BIN1: variants seen among roughly 807,000 people sequenced by gnomAD.
The protein encoded by BIN1 is myc box-dependent-interacting protein 1.
Under a neutral mutation model 82.0 loss-of-function variants are expected in BIN1, and 53 were observed. The observed-to-expected ratio is 0.65, with a 90% CI of 0.52 to 0.81. The LOEUF (loss-of-function observed/expected upper bound fraction) is 0.81. Among genes scored for constraint, BIN1 ranks in the 40% least tolerant of loss-of-function variants. The probability of loss-of-function intolerance (pLI) is 0.00; values close to 1 mark genes in which losing one functional copy is unlikely to be tolerated. For synonymous variants in BIN1, 302 were observed against 328.0 expected, an observed-to-expected ratio of 0.92 and a Z score of 0.86; for missense variants, 642 against 784.4, an observed-to-expected ratio of 0.82 and a Z score of 2.17.
chr2:127,074,128 G>A (rs1461609079), intron 2 of BIN1, among the ~76,000 whole-genome samples: 4 of 152,056 alleles, frequency 2.6e-5, no homozygotes, highest in Non-Finnish European at 4.4e-5. Context: ...CACTAGGCTT[G>A]GGGCTCACAG....
At chr2:127,072,207 C>G (rs1685977281) in intron 2 of BIN1, among the ~76,000 whole-genome samples, 1 of 152,220 alleles carries the variant, frequency 6.6e-6, no homozygotes, top group Admixed American at 6.5e-5. Flanking sequence ...AGGTGAAGGC[C>G]AGCAGGGACC....
At position 127,090,169 on chromosome 2, in the gene BIN1, G is replaced by C. The variant is rs1678734293; in HGVS notation, c.85-13463C>G. On this transcript the variant is annotated intron_variant, in intron 1 of 18. Transcript: ENST00000316724. This position sits in a 1 kb window ranked among gnomAD's most constrained non-coding sequence, Gnocchi z 6.4. ...TTGCCTGCAGCTCTGCAAGGACCCTGCAAGCCACCCCATTACGCTGGGCCC... is the reference window on the plus strand; with the variant it reads ...TTGCCTGCAGCTCTGCAAGGACCCTCCAAGCCACCCCATTACGCTGGGCCC... Among the ~76,000 whole-genome samples the C allele has an allele frequency of 6.6e-6, 1 of 152,116 alleles. No homozygotes were observed. The highest frequency in any genetic ancestry group is 6.5e-5 in the Admixed American group (1 of 15,276).
At chr2:127,060,456 C>T in intron 10 of BIN1, 1 of 1,310,008 alleles carries the variant, frequency 7.6e-7, no homozygotes, top group Non-Finnish European at 1.1e-6. Flanking sequence ...CCAACACGCA[C>T]ACGACAGCCC....
In BIN1 at chr2:127,070,619, A is replaced by C; in HGVS notation, c.249T>G (p.Asn83Lys). ...GCTCATACACCTCCTGCAGACACTC[A>C]TTCAGCTTCTTGGAAGCCTCGTGCA... ...KAMHEASKKL[N>K]ECLQEVYEPD... is the part of the protein sequence containing the mutation. The change falls in exon 4 of 19, where the codon AAT becomes AAG. Residue 83 changes from asparagine (N) to lysine (K), a missense_variant. Coordinates refer to ENST00000316724, the MANE Select transcript of BIN1 (RefSeq NM_139343.3). 6.2e-7 allele frequency: 1 copy of C among 1,614,032 alleles called. No homozygotes were observed. Among genetic ancestry groups the C allele is most frequent in the Non-Finnish European group, 8.5e-7 (1 of 1,180,004 alleles).
chr2:127,061,241 G>A (rs976549019), intron 10 of BIN1, among the ~76,000 whole-genome samples: 7 of 44,366 alleles, frequency 1.6e-4, no homozygotes, highest in Admixed American at 9.0e-4. Flanking sequence ...CAACGCCACC[G>A]TCCTAACCTC....
At chr2:127,088,961 C>T (rs148605462) in intron 1 of BIN1, among the ~76,000 whole-genome samples, 46 of 152,190 alleles carry the variant, frequency 3.0e-4, no homozygotes, top group African/African-American at 9.4e-4. Flanking sequence ...ACAGCAAGAC[C>T]GGCGTGGCTG....
At chr2:127,094,386 G>A (rs1222255265) in intron 1 of BIN1, among the ~76,000 whole-genome samples, 1 of 152,202 alleles carries the variant, frequency 6.6e-6, no homozygotes, top group Non-Finnish European at 1.5e-5. Flanking sequence ...ACACAGGCAC[G>A]ATGGGTCTAG....
At chr2:127,070,304 G>A (rs1685712373) in intron 4 of BIN1, among the ~76,000 whole-genome samples, 1 of 152,206 alleles carries the variant, frequency 6.6e-6, no homozygotes, top group East Asian at 1.9e-4. Flanking sequence ...GGTCAGCCAG[G>A]GAGGCTTTGT....
At chr2:127,080,607 G>A (rs1234684351) in intron 1 of BIN1, among the ~76,000 whole-genome samples, 2 of 152,216 alleles carry the variant, frequency 1.3e-5, no homozygotes, top group African/African-American at 4.8e-5. Flanking sequence ...ACACACAGAG[G>A]CCCAGGCGGC....
intron 1 of BIN1, among the ~76,000 whole-genome samples, chr2:127,094,699 C>T (rs1679369628): frequency 6.6e-6 from 1 of 152,246 alleles, no homozygotes; most frequent in Non-Finnish European, 1.5e-5. Flanking sequence ...AAGCCGGACG[C>T]TGGCATCAGG....
rs1162037816 is a variant in BIN1 at position 127,052,252 on chromosome 2, T to C, written c.1371+3A>G. 5 of 1,568,446 alleles carry C rather than the reference T, an allele frequency of 3.2e-6. No individual in the cohort carries two copies. Among genetic ancestry groups the C allele is most frequent in the East Asian group, 2.4e-5 (1 of 42,460 alleles). On this transcript the variant is annotated splice_donor_region_variant and intron_variant, in intron 15 of 18. Transcript: ENST00000316724. ...CAGACAGGGGCTGGAGGTGGGCACT[T>C]ACTTGGGCAGGCCCCGGCTCGGCCG...
At chr2:127,088,845 G>C (rs938815351) in intron 1 of BIN1, among the ~76,000 whole-genome samples, 1 of 152,140 alleles carries the variant, frequency 6.6e-6, no homozygotes, top group African/African-American at 2.4e-5. Context: ...GAGACCTGAT[G>C]AAGGAGCAAG....
At chr2:127,079,544 T>C (rs1343515222) in intron 1 of BIN1, among the ~76,000 whole-genome samples, 1 of 152,228 alleles carries the variant, frequency 6.6e-6, no homozygotes, top group Non-Finnish European at 1.5e-5. Context: ...CAAACTCCTA[T>C]GCATCCTTCA....
At chr2:127,056,632 AG>A in intron 12 of BIN1, 1 of 152,410 alleles carries the variant, frequency 6.6e-6, no homozygotes, top group East Asian at 1.9e-4. Context: ...CTGTGTGGGA[AG>A]GGTCCTGGCC....
chr2:127,106,880 G>T lies in BIN1; in HGVS notation c.64C>A (p.Leu22Ile). 1.2e-6 allele frequency: 2 copies of T among 1,611,598 alleles called. No homozygotes were observed. The highest frequency in any genetic ancestry group is 2.2e-5 in the East Asian group (1 of 44,770). ...CTCACCTTCTCCTGCGCGCGGGTGA[G>T]CTTCTTCTGCACGTTGCTGGCGATC... ...GKIASNVQKK[L>I]TRAQEKVLQK... is the part of the protein sequence containing the mutation. The change falls in exon 1 of 19, where the codon CTC becomes ATC. Residue 22 changes from leucine (L) to isoleucine (I), a missense_variant. Coordinates refer to ENST00000316724, the MANE Select transcript of BIN1 (RefSeq NM_139343.3).
rs78967885 is a variant in BIN1 at position 127,053,411 on chromosome 2, G to A, written c.1263+11C>T. 9.1e-3 allele frequency: 14,676 copies of A among 1,613,860 alleles called. 88 individuals carry two copies. Among genetic ancestry groups the A allele is most frequent in the Non-Finnish European group, 0.011 (12,427 of 1,179,870 alleles). ...CCCAGGGGCTGGACAAAGAGCAGAC[G>A]TGCAGCTTACCTCCCAGAGGTCCCA... On this transcript the variant is annotated intron_variant, in intron 14 of 18. Transcript: ENST00000316724.
intron 8 of BIN1, 95 bp from the exon 9 acceptor site, chr2:127,063,741 A>G: frequency 6.9e-7 from 1 of 1,455,404 alleles, no homozygotes; most frequent in Non-Finnish European, 9.5e-7. Context: ...CACGCTCATC[A>G]GAGGCACAAA....
rs756863915 is a variant in BIN1, at chr2:127,067,273, C to T, written c.612+890G>A. ...TCGGGAATATGGAGAAGTGTGAGGGCCACATCCAGGCTGTGACTACACTGA... is the reference window on the plus strand; with the variant it reads ...TCGGGAATATGGAGAAGTGTGAGGGTCACATCCAGGCTGTGACTACACTGA... On this transcript the variant is annotated intron_variant, in intron 7 of 18. Coordinates refer to ENST00000316724, the MANE Select transcript of BIN1 (RefSeq NM_139343.3). The surrounding 1 kb of genome is among the most constrained non-coding windows in gnomAD (Gnocchi z 4.7). 1.1e-4 allele frequency among the ~76,000 whole-genome samples: 16 copies of T among 152,110 alleles called. No individual in the cohort carries two copies. The highest frequency in any genetic ancestry group is 1.9e-4 in the Non-Finnish European group (13 of 68,026).
chr2:127,056,747 C>T (rs1683726441), intron 12 of BIN1, among the ~76,000 whole-genome samples: 1 of 152,234 alleles, frequency 6.6e-6, no homozygotes, highest in Non-Finnish European at 1.5e-5. Flanking sequence ...AATCTGACAA[C>T]ACGTCAGCCC....
Sources: allele counts gnomAD v4.1 joint callset (sites outside exome capture counted in the v4.1 genomes callset), GRCh38; gene constraint gnomAD v4.1.1; non-coding constraint Gnocchi (gnomAD v3.1); transcripts MANE v1.5; gene names NCBI Gene and HGNC (gene_info 2026-07-23, HGNC 2026-07-21).